The following MAN1A1 variants were observed in gnomAD, a reference collection of about 807,000 sequenced individuals.
MAN1A1 encodes the protein mannosidase alpha class 1A member 1.
In MAN1A1, 29 loss-of-function variants were observed where a neutral mutation model predicts 70.8. That is an observed-to-expected ratio of 0.41 (90% CI 0.31 to 0.56). The LOEUF (loss-of-function observed/expected upper bound fraction) is 0.56, where lower values mean the gene tolerates loss of function less well. Among genes scored for constraint, MAN1A1 ranks in the 20% least tolerant of loss-of-function variants. MAN1A1 has a pLI of 0.29. For missense variants in MAN1A1, 747 were observed against 841.3 expected (o/e 0.89, Z 1.39); for synonymous variants, 349 against 330.1 (o/e 1.06, Z -0.62).
chr6:119,301,957 G>A (rs1772403664), intron 4 of MAN1A1, 31 bp downstream of exon 4: 1 of 1,163,534 alleles, frequency 8.6e-7, no homozygotes, highest in South Asian at 1.3e-5. Flanking sequence ...TGAAATTTAA[G>A]GACTGAATTA....
At chr6:119,250,141 A>T (rs1775278081) in intron 5 of MAN1A1, among the ~76,000 whole-genome samples, 1 of 152,152 alleles carries the variant, frequency 6.6e-6, no homozygotes, top group Non-Finnish European at 1.5e-5. Flanking sequence ...ACCCCAGAGA[A>T]ATTTCATGTT....
rs1165976242 is a variant in MAN1A1 at position 119,348,701 on chromosome 6, G to A, written c.365C>T (p.Ala122Val). ...CCGCTCGTGGTTTTCGCGGATCCTG[G>A]CCAAGTTGTCCTCCAGGGCGGCCTC... ...DPEAALEDNL[A>V]RIRENHERAL... Residue 122 changes from alanine (A) to valine (V), a missense_variant, in exon 2 of 13, where the codon GCC (alanine) becomes GTC (valine). Ala to Val is a moderately conservative substitution (Grantham distance 64). Around this residue, in one of 2 missense-constraint regions of MAN1A1, gnomAD observed 328 missense variants for 293.1 expected, o/e 1.12. Coordinates refer to ENST00000368468, the MANE Select transcript of MAN1A1 (RefSeq NM_005907.4). 5 of 1,607,520 alleles carry A rather than the reference G, an allele frequency of 3.1e-6. No individual in the cohort carries two copies. Among genetic ancestry groups the A allele is most frequent in the Non-Finnish European group, 4.2e-6 (5 of 1,177,478 alleles).
chr6:119,212,482 T>C (rs776055928), intron 6 of MAN1A1, among the ~76,000 whole-genome samples: 4 of 152,152 alleles, frequency 2.6e-5, no homozygotes, highest in Non-Finnish European at 2.9e-5. Flanking sequence ...TCAGGCATAA[T>C]TTACTGAGTG....
chr6:119,321,692 AC>A lies in MAN1A1; in HGVS notation c.604-14701del, dbSNP rs1231745461. On this transcript the variant is annotated intron_variant, in intron 2 of 12. Transcript: ENST00000368468. ...GAGTACAGTGGCACAATCTCAGCTC[AC>A]CGCAGCCTCAACCTCCTGGGCTCAA... Among the ~76,000 whole-genome samples, 5 of 147,420 alleles carry A rather than the reference AC, an allele frequency of 3.4e-5. No individual in the cohort carries two copies. In the South Asian group the frequency reaches 1.1e-3, roughly 31 times the overall value.
At chr6:119,332,479 G>T (rs1242374622) in intron 2 of MAN1A1, among the ~76,000 whole-genome samples, 1 of 152,154 alleles carries the variant, frequency 6.6e-6, no homozygotes, top group Non-Finnish European at 1.5e-5. Context: ...TATTGCTGTT[G>T]TTATTCATAA....
chr6:119,287,538 A>T (rs1776409997), intron 5 of MAN1A1, among the ~76,000 whole-genome samples: 1 of 151,898 alleles, frequency 6.6e-6, no homozygotes, highest in Non-Finnish European at 1.5e-5. Context: ...CTGTTAACAG[A>T]TGTCACTTTT....
chr6:119,241,509 A>C (rs948290817), intron 6 of MAN1A1, among the ~76,000 whole-genome samples: 2 of 152,176 alleles, frequency 1.3e-5, no homozygotes, highest in Non-Finnish European at 2.9e-5. Context: ...AATTCTTAGT[A>C]AATACCTACA....
chr6:119,207,250 C>T (rs191504660), intron 6 of MAN1A1, among the ~76,000 whole-genome samples: 139 of 152,156 alleles, frequency 9.1e-4, no homozygotes, highest in Admixed American at 1.3e-3. Flanking sequence ...CACCACCCCC[C>T]CAACCCCCAA....
rs1775329660 is a variant in MAN1A1, at chr6:119,252,006, C to T, written c.898-3652G>A. On this transcript the variant is annotated intron_variant, in intron 5 of 12. Transcript: ENST00000368468. ...CCTAACCACCCCACACAAAGTTGGC[C>T]ATCCTTATTTATTATATCACCTTGT... Among the ~76,000 whole-genome samples, 3 of 152,156 alleles carry T rather than the reference C, an allele frequency of 2.0e-5. No individual in the cohort carries two copies. In the South Asian group the frequency reaches 6.2e-4, roughly 32 times the overall value.
In MAN1A1 at chr6:119,239,129, C is replaced by G. The variant is rs1001996810; in HGVS notation, c.992+9131G>C. The stretch of plus-strand genomic sequence containing the variant: ...TCCTGACCTCGTGATCCGCCCGCCT[C>G]AGCCTCCCAAAGTGCTGGGATTACA... On this transcript the variant is annotated intron_variant, in intron 6 of 12. Transcript: ENST00000368468. 3.2e-4 allele frequency among the ~76,000 whole-genome samples: 49 copies of G among 152,280 alleles called. No homozygotes were observed. The Middle Eastern group carries it at 0.01, about 32-fold the overall frequency.
At chr6:119,208,925 T>A (rs1258722262) in intron 6 of MAN1A1, among the ~76,000 whole-genome samples, 4 of 151,894 alleles carry the variant, frequency 2.6e-5, no homozygotes, top group African/African-American at 7.3e-5. Context: ...TGAGACCCCA[T>A]CTCTACAAAA....
At chr6:119,294,051 C>T (rs1377508621) in intron 4 of MAN1A1, among the ~76,000 whole-genome samples, 1 of 152,098 alleles carries the variant, frequency 6.6e-6, no homozygotes, top group East Asian at 1.9e-4. Context: ...CTAAAACCTA[C>T]CTTCCCAGGG....
chr6:119,235,798 C>T (rs1266863423), intron 6 of MAN1A1, among the ~76,000 whole-genome samples: 1 of 152,140 alleles, frequency 6.6e-6, no homozygotes, highest in Non-Finnish European at 1.5e-5. Flanking sequence ...GGTCTAAATG[C>T]AGCTGGTGAC....
At chr6:119,256,414 A>ATTTTTTTTTTTTT in intron 5 of MAN1A1, among the ~76,000 whole-genome samples, 1 of 147,788 alleles carries the variant, frequency 6.8e-6, no homozygotes. Context: ...GTATCTCATT[A>ATTTTTTTTTTTTT]TTTTTTTTTT....
intron 3 of MAN1A1, among the ~76,000 whole-genome samples, chr6:119,305,562 A>G (rs1308378445): frequency 6.6e-6 from 1 of 152,038 alleles, no homozygotes; most frequent in Non-Finnish European, 1.5e-5. Flanking sequence ...GGTGCTCTTC[A>G]TCTCAAAACT....
Position 119,295,959 on chromosome 6 carries a change from T to C in MAN1A1, c.817-5196A>G, listed in dbSNP as rs186297313. Among the ~76,000 whole-genome samples, 20 of 152,276 alleles carry C rather than the reference T, an allele frequency of 1.3e-4. 1 individual carries two copies. The highest frequency in any genetic ancestry group is 1.2e-3 in the Admixed American group (18 of 15,272). ...ATCAATGGCTTTGTTAGAAGCAACA[T>C]GAGACTTTTCAAAACCATTGATTAA... On this transcript the variant is annotated intron_variant, in intron 4 of 12. Transcript: ENST00000368468.
intron 2 of MAN1A1, among the ~76,000 whole-genome samples, chr6:119,347,366 A>G (rs1261540115): frequency 6.6e-6 from 1 of 152,202 alleles, no homozygotes; most frequent in African/African-American, 2.4e-5. Context: ...ATGAAAATAC[A>G]ATATTTATTT....
At chr6:119,335,649 T>C (rs1462736318) in intron 2 of MAN1A1, among the ~76,000 whole-genome samples, 1 of 152,084 alleles carries the variant, frequency 6.6e-6, no homozygotes, top group Non-Finnish European at 1.5e-5. Flanking sequence ...ATCAATAACA[T>C]GGGAATTTGG....
chr6:119,338,180 C>T (rs1331361500), intron 2 of MAN1A1, among the ~76,000 whole-genome samples: 3 of 151,932 alleles, frequency 2.0e-5, no homozygotes, highest in Non-Finnish European at 4.4e-5. Context: ...AATCGTTATT[C>T]ATCACGTTAA....
Sources: gnomAD v4.1 joint callset for allele counts (sites outside exome capture counted in the v4.1 genomes callset) on GRCh38, gnomAD v4.1.1 for gene constraint, gnomAD v4.1.1 regional missense constraint, MANE v1.5 for transcripts, NCBI Gene and HGNC (gene_info 2026-07-23, HGNC 2026-07-21) for gene names.